Variants in LRRC31 observed in about 807,000 individuals in gnomAD.
LRRC31 encodes leucine-rich repeat-containing protein 31.
Under a neutral mutation model 46.7 loss-of-function variants are expected in LRRC31, and 35 were observed. That is an observed-to-expected ratio of 0.75 (90% CI 0.57 to 0.99). The LOEUF (loss-of-function observed/expected upper bound fraction) is 0.99, where lower values mean the gene tolerates loss of function less well. Among genes scored for constraint, LRRC31 ranks in the 50% least tolerant of loss-of-function variants. The probability of loss-of-function intolerance (pLI) is 0.00; values close to 1 mark genes in which losing one functional copy is unlikely to be tolerated. For synonymous variants in LRRC31, 236 were observed against 235.1 expected, an observed-to-expected ratio of 1.00 and a Z score of -0.03; for missense variants, 613 against 626.1, an observed-to-expected ratio of 0.98 and a Z score of 0.22.
chr3:169,867,062 T>TG (rs912452329), intron 1 of LRRC31, among the ~76,000 whole-genome samples: 4 of 143,624 alleles, frequency 2.8e-5, no homozygotes, highest in South Asian at 2.1e-4. Context: ...TTTGTTTGTT[T>TG]TTTTTTTTTT....
At chr3:169,864,762 A>T (rs2108228952) in intron 1 of LRRC31, among the ~76,000 whole-genome samples, 3 of 152,308 alleles carry the variant, frequency 2.0e-5, no homozygotes, top group East Asian at 3.9e-4. Flanking sequence ...CTCACAGATC[A>T]TGTATTTCAA....
rs761546836 is a variant in LRRC31, at chr3:169,856,434, CT to C, written c.724del (p.Ser242ValfsTer2). 1.2e-6 allele frequency: 2 copies of C among 1,607,412 alleles called. No homozygotes were observed. Among genetic ancestry groups the C allele is most frequent in the Non-Finnish European group, 1.7e-6 (2 of 1,176,764 alleles). Reference protein sequence around the residue: ...DLSINRDIVGSLNSIAQGLKS... With the variant: ...DLSINRDIVGXLNSIAQGLKS... ...TAATCCCTGAGCAATACTGTTCAGA[CT>C]GCCAACAATGTCTCTGTTAATGGAA... On this transcript the variant is annotated frameshift_variant, in exon 5 of 9. Coordinates refer to ENST00000316428, the MANE Select transcript of LRRC31 (RefSeq NM_024727.4). LOFTEE classifies it high-confidence loss of function.
intron 1 of LRRC31, among the ~76,000 whole-genome samples, chr3:169,865,161 G>T (rs73176471): frequency 1.1e-3 from 164 of 151,062 alleles, no homozygotes; most frequent in Middle Eastern, 6.8e-3. Context: ...TGAGGCACAA[G>T]AATCTCTTGA....
At chr3:169,856,662 T>C (rs1234298771) in intron 4 of LRRC31, 43 bp downstream of exon 4, 1 of 1,524,552 alleles carries the variant, frequency 6.6e-7, no homozygotes, top group East Asian at 2.3e-5. Context: ...AGCTATCCAG[T>C]GGGCATCTTC....
chr3:169,840,188 C>T lies in LRRC31; in HGVS notation c.1453G>A (p.Glu485Lys), dbSNP rs377373660. ...GATGGTCGAAGGCTAATATCCAGCT[C>T]GATTAGCTCTTTGAGGAACCGCACG... ...QNVRFLKELI[E>K]LDISLRPSNF... Residue 485 changes from glutamate to lysine, a missense_variant, in exon 9 of 9, where the codon GAG becomes AAG. Coordinates refer to ENST00000316428, the MANE Select transcript of LRRC31 (RefSeq NM_024727.4). 10 of 1,613,998 alleles carry T rather than the reference C, an allele frequency of 6.2e-6. No individual in the cohort carries two copies. The highest frequency in any genetic ancestry group is 1.7e-5 in the Admixed American group (1 of 59,986).
At chr3:169,852,489 TAAAGTGC>T (rs1258577842) in intron 6 of LRRC31, among the ~76,000 whole-genome samples, 1 of 150,272 alleles carries the variant, frequency 6.7e-6, no homozygotes, top group Admixed American at 6.6e-5. Context: ...TTGGTAAAGG[TAAAGTGC>T]TTGGTATAGT....
chr3:169,865,010 G>C (rs1183487118), intron 1 of LRRC31, among the ~76,000 whole-genome samples: 1 of 148,890 alleles, frequency 6.7e-6, no homozygotes, highest in Non-Finnish European at 1.5e-5. Flanking sequence ...CCAGAAGGCA[G>C]AGGTTGCGTG....
chr3:169,853,285 T>C (rs1780844859), intron 6 of LRRC31: 7 of 985,116 alleles, frequency 7.1e-6, no homozygotes, highest in East Asian at 1.1e-4. Flanking sequence ...GATAAAAGAA[T>C]GTTCAATTAT....
In LRRC31 at chr3:169,861,242, T is replaced by G. The variant is rs181381287; in HGVS notation, c.319+428A>C. Among the ~76,000 whole-genome samples, 19 of 151,714 alleles carry G rather than the reference T, an allele frequency of 1.3e-4. No individual in the cohort carries two copies. In the East Asian group the frequency reaches 2.1e-3, roughly 17 times the overall value. ...CGCCACCACGCCTGGCTAACTTTTG[T>G]ATTTTTAGTAGAGACGGGGTTTCAC... On this transcript the variant is annotated intron_variant, in intron 2 of 8. Transcript: ENST00000316428.
chr3:169,840,054 C>T lies in LRRC31; in HGVS notation c.1587G>A (p.Gln529=), dbSNP rs16854445. 0.07 allele frequency: 113,526 copies of T among 1,613,892 alleles called. 4,328 individuals carry two copies. The highest frequency in any genetic ancestry group is 0.1 in the Admixed American group (6,128 of 59,978). The change falls in exon 9 of 9, where the codon CAG becomes CAA. Residue 529 remains glutamine (Q), a synonymous_variant. Coordinates refer to ENST00000316428, the MANE Select transcript of LRRC31 (RefSeq NM_024727.4). ...GMKRWILPAS[Q]EEELECFDQD... is the part of the protein sequence containing the mutation. Reference sequence around the variant, plus strand: ...GGTCAAAGCATTCTAGTTCTTCCTCCTGTGAAGCTGGGAGAATCCATCTTT... The same window carrying T: ...GGTCAAAGCATTCTAGTTCTTCCTCTTGTGAAGCTGGGAGAATCCATCTTT...
Position 169,840,394 on chromosome 3 carries a change from T to C in LRRC31, c.1328-81A>G. ...TATTCCCATTTCCCATAACACTATC[T>C]CCAGGAATAGTAATGACAAGATTAG... is the stretch of plus-strand genomic sequence containing the variant. On this transcript the variant is annotated intron_variant, in intron 8 of 8. Transcript: ENST00000316428. 2.2e-6 allele frequency: 3 copies of C among 1,369,012 alleles called. No homozygotes were observed. In the South Asian group the frequency reaches 3.6e-5, roughly 17 times the overall value. 84.8% of individuals were successfully genotyped at this position (1,369,012 alleles called of 1,614,324 possible). A position where few individuals can be genotyped will look rare whatever the true frequency, so the allele number is the denominator to read the frequency against.
At chr3:169,860,159 A>AAAATAAAT in intron 3 of LRRC31, among the ~76,000 whole-genome samples, 1 of 151,984 alleles carries the variant, frequency 6.6e-6, no homozygotes, top group South Asian at 2.1e-4. Flanking sequence ...AATAAAAATA[A>AAAATAAAT]AAATAAATAA....
At chr3:169,845,519 T>C (rs951231527) in intron 8 of LRRC31, among the ~76,000 whole-genome samples, 2 of 152,132 alleles carry the variant, frequency 1.3e-5, no homozygotes, top group Non-Finnish European at 2.9e-5. Flanking sequence ...CAGAGATCAA[T>C]AGAACAGAAC....
chr3:169,853,537 G>A (rs1254415377), intron 6 of LRRC31: 2 of 985,696 alleles, frequency 2.0e-6, no homozygotes, highest in African/African-American at 3.5e-5. Flanking sequence ...ATGTTATTTA[G>A]TTGTACCAAG....
At chr3:169,845,554 C>T (rs1163556718) in intron 8 of LRRC31, among the ~76,000 whole-genome samples, 3 of 152,088 alleles carry the variant, frequency 2.0e-5, no homozygotes, top group Admixed American at 6.5e-5. Flanking sequence ...TAGGCCATCA[C>T]AAATATGGCC....
At chr3:169,847,111 G>A (rs1780626994) in intron 8 of LRRC31, among the ~76,000 whole-genome samples, 1 of 152,166 alleles carries the variant, frequency 6.6e-6, no homozygotes, top group South Asian at 2.1e-4. Flanking sequence ...AGGCTAGATG[G>A]GAGCCAGAGA....
chr3:169,848,733 G>T (rs1312959003), intron 7 of LRRC31, among the ~76,000 whole-genome samples: 1 of 152,334 alleles, frequency 6.6e-6, no homozygotes, highest in Middle Eastern at 3.4e-3. Context: ...TGGGATTACA[G>T]GCGTGAACCA....
At chr3:169,869,156 A>C (rs947290250) in intron 1 of LRRC31, among the ~76,000 whole-genome samples, 5 of 151,840 alleles carry the variant, frequency 3.3e-5, no homozygotes, top group African/African-American at 1.2e-4. Flanking sequence ...AAATCACCTG[A>C]GGTCAGGAAT....
At chr3:169,862,540 A>G (rs992336180) in intron 1 of LRRC31, among the ~76,000 whole-genome samples, 2 of 151,118 alleles carry the variant, frequency 1.3e-5, no homozygotes, top group African/African-American at 4.9e-5. Flanking sequence ...AGGCGGGTGG[A>G]TCATGAGGTC....
Sources: allele counts gnomAD v4.1 joint callset (sites outside exome capture counted in the v4.1 genomes callset), GRCh38; gene constraint gnomAD v4.1.1; transcripts MANE v1.5; gene names NCBI Gene and HGNC (gene_info 2026-07-23, HGNC 2026-07-21).